PITPNC1: variants seen among roughly 807,000 people sequenced by gnomAD.
PITPNC1 encodes cytoplasmic phosphatidylinositol transfer protein 1.
In PITPNC1, 18 loss-of-function variants were observed where a neutral mutation model predicts 44.7. The observed-to-expected ratio is 0.40, with a 90% CI of 0.28 to 0.60. The LOEUF (loss-of-function observed/expected upper bound fraction) is 0.60, where lower values mean the gene tolerates loss of function less well. Among genes scored for constraint, PITPNC1 ranks in the 20% least tolerant of loss-of-function variants. PITPNC1 has a pLI of 0.39. For missense variants in PITPNC1, 290 were observed against 418.4 expected (o/e 0.69, Z 2.68); for synonymous variants, 141 against 149.6 (o/e 0.94, Z 0.42).
intron 1 of PITPNC1, among the ~76,000 whole-genome samples, chr17:67,381,245 G>A (rs907732393): frequency 6.7e-6 from 1 of 149,280 alleles, no homozygotes; most frequent in Non-Finnish European, 1.5e-5. Flanking sequence ...GTAGAATGGC[G>A]TGAACCTGGG....
chr17:67,690,448 C>CAAAAAA (rs58085156), intron 8 of PITPNC1, among the ~76,000 whole-genome samples: 2 of 113,398 alleles, frequency 1.8e-5, no homozygotes, highest in African/African-American at 7.1e-5. Context: ...AACTCTGTCT[C>CAAAAAA]AAAAAAAAAA....
At chr17:67,397,456 G>A (rs1455321522) in intron 1 of PITPNC1, among the ~76,000 whole-genome samples, 1 of 152,208 alleles carries the variant, frequency 6.6e-6, no homozygotes, top group Non-Finnish European at 1.5e-5. Context: ...AGAAGGAACT[G>A]CCCTGAGGGT....
At chr17:67,636,039 C>T (rs530771362) in intron 6 of PITPNC1, among the ~76,000 whole-genome samples, 18 of 152,142 alleles carry the variant, frequency 1.2e-4, no homozygotes, top group South Asian at 2.1e-4. Flanking sequence ...TGGCTCACGC[C>T]TATAATCCCA....
chr17:67,467,095 GTCA>G (rs2039439327), intron 1 of PITPNC1, among the ~76,000 whole-genome samples: 1 of 107,638 alleles, frequency 9.3e-6, no homozygotes, highest in African/African-American at 3.6e-5. Context: ...ATCTTGCTCT[GTCA>G]CCCAGGCTGG....
chr17:67,649,285 C>T (rs75942497), intron 6 of PITPNC1, among the ~76,000 whole-genome samples: 4,701 of 152,302 alleles, frequency 0.031, 107 homozygotes, highest in Middle Eastern at 0.082. Context: ...AGAGATTGCA[C>T]CTGCTGCCCA....
intron 1 of PITPNC1, among the ~76,000 whole-genome samples, chr17:67,416,853 C>T (rs2038596397): frequency 6.6e-6 from 1 of 151,998 alleles, no homozygotes; most frequent in African/African-American, 2.4e-5. Context: ...TCTCTTGTTG[C>T]CCAGGCTGGA....
intron 1 of PITPNC1, among the ~76,000 whole-genome samples, chr17:67,427,385 T>G (rs1472850857): frequency 6.6e-6 from 1 of 152,058 alleles, no homozygotes; most frequent in African/African-American, 2.4e-5. Context: ...TAATTTTTTT[T>G]GTATTTTTAG....
intron 1 of PITPNC1, among the ~76,000 whole-genome samples, chr17:67,390,785 T>C (rs982955630): frequency 2.0e-5 from 3 of 152,166 alleles, no homozygotes; most frequent in African/African-American, 7.2e-5. Flanking sequence ...TTGCAAACCA[T>C]AGTGGAGGAG....
intron 1 of PITPNC1, among the ~76,000 whole-genome samples, chr17:67,454,009 G>C (rs1567995916): frequency 6.6e-6 from 1 of 152,122 alleles, no homozygotes; most frequent in Non-Finnish European, 1.5e-5. Context: ...CCAGCATTTT[G>C]GGAGGCCAAG....
chr17:67,383,945 G>T (rs144179407), intron 1 of PITPNC1, among the ~76,000 whole-genome samples: 4 of 152,310 alleles, frequency 2.6e-5, no homozygotes, highest in African/African-American at 9.6e-5. Flanking sequence ...GGTGAGGCAG[G>T]AGAATTACTT....
At chr17:67,632,428 C>T (rs769098817) in intron 6 of PITPNC1, 190 bp downstream of exon 6, 25 of 589,026 alleles carry the variant, frequency 4.2e-5, no homozygotes, top group Non-Finnish European at 6.3e-5. Flanking sequence ...CATCATTGGC[C>T]CTGGCTGTTA....
At chr17:67,441,283 C>CG (rs1300169302) in intron 1 of PITPNC1, among the ~76,000 whole-genome samples, 1 of 150,204 alleles carries the variant, frequency 6.7e-6, no homozygotes, top group African/African-American at 2.5e-5. Flanking sequence ...TTAAGCCCCC[C>CG]CCCGCCACCC....
intron 1 of PITPNC1, among the ~76,000 whole-genome samples, chr17:67,409,614 C>T (rs188909084): frequency 6.6e-6 from 1 of 152,060 alleles, no homozygotes; most frequent in African/African-American, 2.4e-5. Flanking sequence ...TCCCAACTCA[C>T]TGCAACCTCC....
chr17:67,650,956 A>G (rs2042203056), intron 6 of PITPNC1, among the ~76,000 whole-genome samples: 1 of 152,178 alleles, frequency 6.6e-6, no homozygotes, highest in Non-Finnish European at 1.5e-5. Context: ...AACTCCTTTA[A>G]GAGAGTCATT....
At chr17:67,379,032 A>G (rs2037916576) in intron 1 of PITPNC1, 1 of 985,564 alleles carries the variant, frequency 1.0e-6, no homozygotes, top group South Asian at 4.7e-5. Flanking sequence ...AGTATTCAGG[A>G]AGTGGTGACT....
At chr17:67,480,581 G>A (rs1210603004) in intron 1 of PITPNC1, among the ~76,000 whole-genome samples, 1 of 152,044 alleles carries the variant, frequency 6.6e-6, no homozygotes, top group Non-Finnish European at 1.5e-5. Flanking sequence ...AATAAAAGAT[G>A]ATATTAAGTG....
chr17:67,620,662 T>C (rs1370101432), intron 5 of PITPNC1, among the ~76,000 whole-genome samples: 1 of 152,144 alleles, frequency 6.6e-6, no homozygotes, highest in Non-Finnish European at 1.5e-5. Flanking sequence ...GCCAAAGGCC[T>C]AATGATATTG....
At chr17:67,650,009 C>A (rs2042192067) in intron 6 of PITPNC1, among the ~76,000 whole-genome samples, 1 of 152,062 alleles carries the variant, frequency 6.6e-6, no homozygotes, top group Non-Finnish European at 1.5e-5. Flanking sequence ...CCCCCTCCCT[C>A]CCTAGAGGTC....
chr17:67,463,654 C>G (rs1056960524), intron 1 of PITPNC1, among the ~76,000 whole-genome samples: 4 of 152,112 alleles, frequency 2.6e-5, no homozygotes, highest in African/African-American at 9.7e-5. Context: ...AATCCCAGCA[C>G]CTTGGGAGGC....
Sources: allele counts gnomAD v4.1 joint callset (sites outside exome capture counted in the v4.1 genomes callset), GRCh38; gene constraint gnomAD v4.1.1; transcripts MANE v1.5; gene names NCBI Gene and HGNC (gene_info 2026-07-23, HGNC 2026-07-21).